Variants in XIRP2 observed in about 807,000 individuals in gnomAD.
The protein encoded by XIRP2 is xin actin binding repeat containing 2.
In XIRP2, 236 loss-of-function variants were observed where a neutral mutation model predicts 277.0. The observed-to-expected ratio is 0.85, with a 90% CI of 0.77 to 0.95. XIRP2 has a LOEUF of 0.95. XIRP2 is among the 40% of genes least tolerant of loss of function. The pLI is 0.00. For synonymous variants in XIRP2, 1,490 were observed against 1,416.5 expected, an observed-to-expected ratio of 1.05 and a Z score of -1.17; for missense variants, 4,640 against 4,157.5, an observed-to-expected ratio of 1.12 and a Z score of -3.19.
At chr2:167,002,189 T>C (rs181213864) in intron 2 of XIRP2, among the ~76,000 whole-genome samples, 66 of 152,190 alleles carry the variant, frequency 4.3e-4, no homozygotes, top group East Asian at 5.8e-4. Flanking sequence ...TTTCCTGCAA[T>C]TTTAAAATCA....
intron 2 of XIRP2, among the ~76,000 whole-genome samples, chr2:167,029,079 T>C (rs1688254215): frequency 6.6e-6 from 1 of 151,908 alleles, no homozygotes; most frequent in African/African-American, 2.4e-5. Flanking sequence ...TAGAAAATAG[T>C]CTCAAAAGGG....
Position 166,903,842 on chromosome 2 carries a change from G to C in XIRP2, c.360G>C (p.Val120=), listed in dbSNP as rs747847222. The C allele has an allele frequency of 6.2e-7, 1 of 1,613,514 alleles. No homozygotes were observed. The highest frequency in any genetic ancestry group is 8.5e-7 in the Non-Finnish European group (1 of 1,179,716). Residue 120 remains valine (V), a synonymous_variant, in exon 2 of 11, where the codon GTG becomes GTC. Coordinates refer to ENST00000409195, the MANE Select transcript of XIRP2 (RefSeq NM_152381.6). ...FSIALDELRS[V]FEAPKSGNKP... is the part of the protein sequence containing the mutation. ...TTGCCCTTGATGAGCTGAGGAGTGT[G>C]TTTGAGGCTCCTAAGAGTGGAAACA...
intron 2 of XIRP2, among the ~76,000 whole-genome samples, chr2:167,096,673 C>T (rs902671029): frequency 1.3e-5 from 2 of 152,104 alleles, no homozygotes; most frequent in African/African-American, 4.8e-5. Context: ...CCTACTTTCT[C>T]CTGTGGGCAT....
intron 1 of XIRP2, among the ~76,000 whole-genome samples, chr2:166,899,696 CT>C (rs1684329817): frequency 2.0e-5 from 3 of 152,116 alleles, no homozygotes; most frequent in Non-Finnish European, 4.4e-5. Context: ...GTGCTCTTGC[CT>C]TCTGGTCTTC....
intron 2 of XIRP2, among the ~76,000 whole-genome samples, chr2:167,061,325 C>T (rs929181774): frequency 2.6e-5 from 4 of 152,032 alleles, no homozygotes; most frequent in Non-Finnish European, 5.9e-5. Context: ...GTTTTTCAAC[C>T]TGTATTTCTT....
intron 3 of XIRP2, among the ~76,000 whole-genome samples, chr2:167,140,186 TC>T (rs1691670288): frequency 6.6e-6 from 1 of 152,196 alleles, no homozygotes; most frequent in Non-Finnish European, 1.5e-5. Context: ...TCAACTGTGT[TC>T]CCTTTTCAAT....
chr2:167,119,287 A>G (rs1235583514), intron 2 of XIRP2, among the ~76,000 whole-genome samples: 1 of 152,056 alleles, frequency 6.6e-6, no homozygotes, highest in Non-Finnish European at 1.5e-5. Context: ...TTTTGAGGAG[A>G]CTCCAGAAAC....
At chr2:166,956,514 C>T (rs1686163997) in intron 2 of XIRP2, among the ~76,000 whole-genome samples, 1 of 151,746 alleles carries the variant, frequency 6.6e-6, no homozygotes, top group Non-Finnish European at 1.5e-5. Context: ...CATGTAAATT[C>T]TTATATTGGT....
chr2:166,988,225 T>C (rs1032487520), intron 2 of XIRP2, among the ~76,000 whole-genome samples: 2 of 152,136 alleles, frequency 1.3e-5, no homozygotes, highest in African/African-American at 4.8e-5. Context: ...TATTGCCAAA[T>C]ACCTGTAAAC....
rs908950045 is a variant in XIRP2, at chr2:166,988,554, C to T, written c.408+84664C>T. Among the ~76,000 whole-genome samples the T allele has an allele frequency of 1.1e-3, 142 of 134,764 alleles. 1 individual carries two copies. Among genetic ancestry groups the T allele is most frequent in the Non-Finnish European group, 1.5e-3 (94 of 63,478 alleles). The allele number at this position is 134,764 out of a possible 152,430, so 88.4% of individuals were successfully genotyped here. A position where few individuals can be genotyped will look rare whatever the true frequency, so the allele number is the denominator to read the frequency against. The stretch of plus-strand genomic sequence containing the variant: ...ATTTCTGCATTTCCATCTGAGGTAC[C>T]GGGTTCATCTCACTAGGGAGTGCCA... On this transcript the variant is annotated intron_variant, in intron 2 of 10. Coordinates refer to ENST00000409195, the MANE Select transcript of XIRP2 (RefSeq NM_152381.6).
In XIRP2 at chr2:167,065,520, G is replaced by A. The variant is rs943499359; in HGVS notation, c.409-70389G>A. Among the ~76,000 whole-genome samples, 6 of 151,428 alleles carry A rather than the reference G, an allele frequency of 4.0e-5. No homozygotes were observed. The East Asian group carries it at 1.2e-3, about 29-fold the overall frequency. On this transcript the variant is annotated intron_variant, in intron 2 of 10. Coordinates refer to ENST00000409195, the MANE Select transcript of XIRP2 (RefSeq NM_152381.6). ...ACACAAACTTTTTTTTTATTCCAGT[G>A]TAGTCAAACTTACCTATTTTCGTTG...
intron 2 of XIRP2, among the ~76,000 whole-genome samples, chr2:166,968,700 G>A (rs1052311266): frequency 2.1e-4 from 32 of 151,912 alleles, no homozygotes; most frequent in African/African-American, 7.5e-4. Context: ...TCAAGAGTAT[G>A]TATAAATCAT....
chr2:167,099,772 C>A (rs1234917068), intron 2 of XIRP2, among the ~76,000 whole-genome samples: 1 of 151,860 alleles, frequency 6.6e-6, no homozygotes. Context: ...AGTTCCCTGA[C>A]CCCTTGTGCT....
intron 2 of XIRP2, among the ~76,000 whole-genome samples, chr2:167,016,004 T>C (rs6741365): frequency 6.6e-6 from 1 of 151,850 alleles, no homozygotes; most frequent in Non-Finnish European, 1.5e-5. Context: ...ACTTGCATTT[T>C]CCCCATGTTC....
chr2:167,011,094 A>C (rs916868266), intron 2 of XIRP2, among the ~76,000 whole-genome samples: 4 of 150,582 alleles, frequency 2.7e-5, no homozygotes, highest in Non-Finnish European at 3.0e-5. Flanking sequence ...CCTGGCCAGA[A>C]CTTCCAACAC....
intron 2 of XIRP2, among the ~76,000 whole-genome samples, chr2:167,077,444 A>C (rs1689600248): frequency 6.6e-6 from 1 of 152,174 alleles, no homozygotes; most frequent in Non-Finnish European, 1.5e-5. Flanking sequence ...TTAAAAAAAA[A>C]AGGCAAAATT....
At chr2:166,932,624 G>A (rs1685376079) in intron 2 of XIRP2, among the ~76,000 whole-genome samples, 1 of 151,962 alleles carries the variant, frequency 6.6e-6, no homozygotes, top group South Asian at 2.1e-4. Context: ...GCTTACTCCG[G>A]TATTATAATA....
intron 2 of XIRP2, among the ~76,000 whole-genome samples, chr2:167,098,884 A>G (rs1690406236): frequency 6.6e-6 from 1 of 152,194 alleles, no homozygotes; most frequent in African/African-American, 2.4e-5. Flanking sequence ...GCTGCAGAAT[A>G]GCAAAGAATG....
chr2:167,085,825 C>G (rs1301491614), intron 2 of XIRP2, among the ~76,000 whole-genome samples: 1 of 152,058 alleles, frequency 6.6e-6, no homozygotes, highest in African/African-American at 2.4e-5. Flanking sequence ...TTATTTTGAG[C>G]CTATGTGTGT....
Sources: gnomAD v4.1 joint callset for allele counts (sites outside exome capture counted in the v4.1 genomes callset) on GRCh38, gnomAD v4.1.1 for gene constraint, MANE v1.5 for transcripts, NCBI Gene and HGNC (gene_info 2026-07-23, HGNC 2026-07-21) for gene names.